The following FDFT1 variants were observed in gnomAD, a reference collection of about 807,000 sequenced individuals.
FDFT1 encodes squalene synthase.
In FDFT1, 68 loss-of-function variants were observed where a neutral mutation model predicts 46.8. The ratio of observed to expected loss-of-function variants is 1.45; its 90% confidence interval spans 1.19 to 1.78. The LOEUF is 1.78. Ranked by LOEUF, FDFT1 falls within the 40% of genes most tolerant of loss-of-function variation. FDFT1 has a pLI of 0.00. For missense variants in FDFT1, 928 were observed against 524.4 expected, an observed-to-expected ratio of 1.77 and a Z score of -7.52; for synonymous variants, 351 against 185.1, an observed-to-expected ratio of 1.90 and a Z score of -7.28.
chr8:11,826,610 T>G (rs1187146536), intron 5 of FDFT1, among the ~76,000 whole-genome samples: 3 of 152,186 alleles, frequency 2.0e-5, no homozygotes, highest in Non-Finnish European at 4.4e-5. Flanking sequence ...GGCCAGGAGT[T>G]CGAGACCAGC....
At chr8:11,826,758 T>C (rs889689169) in intron 5 of FDFT1, among the ~76,000 whole-genome samples, 11 of 152,214 alleles carry the variant, frequency 7.2e-5, no homozygotes, top group Non-Finnish European at 1.3e-4. Flanking sequence ...GAGATTGCGG[T>C]GAGCTCAGAT....
chr8:11,801,946 C>A (rs936513029), upstream of FDFT1: 1 of 455,440 alleles, frequency 2.2e-6, no homozygotes, highest in East Asian at 7.0e-5. Flanking sequence ...GCCTTGGCCT[C>A]CCAAAGTGTT....
chr8:11,815,860 T>C (rs1011090899), intron 3 of FDFT1, among the ~76,000 whole-genome samples: 1 of 152,234 alleles, frequency 6.6e-6, no homozygotes, highest in East Asian at 1.9e-4. Context: ...GTGCAGAAGC[T>C]CTTTAGTTGA....
intron 7 of FDFT1, among the ~76,000 whole-genome samples, chr8:11,836,388 C>G (rs748815934): frequency 6.6e-6 from 1 of 152,206 alleles, no homozygotes; most frequent in Non-Finnish European, 1.5e-5. Context: ...CTCCAGAGAC[C>G]TCTCGCTTCC....
intron 1 of FDFT1, among the ~76,000 whole-genome samples, chr8:11,805,451 G>A (rs1204013691): frequency 6.6e-6 from 1 of 152,192 alleles, no homozygotes; most frequent in Non-Finnish European, 1.5e-5. Context: ...AGGCAGATCT[G>A]GCTCCTGTCC....
Position 11,808,834 on chromosome 8 carries a change from T to G in FDFT1, c.140T>G (p.Leu47Arg). The G allele has an allele frequency of 1.2e-6, 2 of 1,614,030 alleles. No individual in the cohort carries two copies. The highest frequency in any genetic ancestry group is 1.7e-4 in the Middle Eastern group (1 of 6,060). The change falls in exon 2 of 8, where the codon CTC becomes CGC. Residue 47 changes from leucine to arginine, a missense_variant. By Grantham distance (102) the Leu-to-Arg change is moderately radical. Transcript: ENST00000220584. ...AGCCTGAAAACTTGCTACAAGTATCTCAATCAGACCAGTCGCAGTTTCGCA... is the reference window on the plus strand; with the variant it reads ...AGCCTGAAAACTTGCTACAAGTATCGCAATCAGACCAGTCGCAGTTTCGCA... ...SSSLKTCYKY[L>R]NQTSRSFAAV...
At chr8:11,798,308 C>T (rs752487922), upstream of FDFT1, among the ~76,000 whole-genome samples, 1 of 152,150 alleles carries the variant, frequency 6.6e-6, no homozygotes, top group Non-Finnish European at 1.5e-5. Context: ...GATCCGCCTG[C>T]ATTGGTCTTC....
chr8:11,820,579 G>A (rs1470318056), intron 3 of FDFT1, among the ~76,000 whole-genome samples: 3 of 152,198 alleles, frequency 2.0e-5, no homozygotes, highest in Non-Finnish European at 1.5e-5. Flanking sequence ...GCAATGGCGG[G>A]GAGGCGCTTC....
intron 3 of FDFT1, among the ~76,000 whole-genome samples, chr8:11,817,009 C>T (rs1057392704): frequency 6.6e-6 from 1 of 152,128 alleles, no homozygotes; most frequent in Non-Finnish European, 1.5e-5. Context: ...TTGGGTTTGT[C>T]ATAAATAGCT....
At chr8:11,812,273 G>A (rs975511156) in intron 3 of FDFT1, among the ~76,000 whole-genome samples, 10 of 152,330 alleles carry the variant, frequency 6.6e-5, no homozygotes, top group East Asian at 1.9e-4. Flanking sequence ...GTCTGCGTCC[G>A]CACAGTCTAT....
chr8:11,804,678 C>G (rs568807845), intron 1 of FDFT1, among the ~76,000 whole-genome samples: 1 of 138,562 alleles, frequency 7.2e-6, no homozygotes, highest in African/African-American at 2.7e-5. Context: ...GGGACCTCAG[C>G]TAGATGCAGC....
At chr8:11,826,255 A>G in intron 5 of FDFT1, 40 bp downstream of exon 5, 1 of 1,400,770 alleles carries the variant, frequency 7.1e-7, no homozygotes, top group South Asian at 1.6e-5. Context: ...ATAACTTTAG[A>G]CATTCTCTGA....
At chr8:11,801,288 G>GAACA (rs1489999931), upstream of FDFT1, among the ~76,000 whole-genome samples, 1 of 152,210 alleles carries the variant, frequency 6.6e-6, no homozygotes, top group Non-Finnish European at 1.5e-5. Flanking sequence ...GAGAGACACT[G>GAACA]AACAGCTTTG....
At chr8:11,802,730 G>A (rs571840731), upstream of FDFT1, 23 of 888,180 alleles carry the variant, frequency 2.6e-5, no homozygotes, top group African/African-American at 3.5e-4. Flanking sequence ...CCCCTGTCCG[G>A]CCAGCCCCTC....
chr8:11,822,691 G>C (rs1809431035), intron 4 of FDFT1, among the ~76,000 whole-genome samples: 1 of 152,156 alleles, frequency 6.6e-6, no homozygotes, highest in Non-Finnish European at 1.5e-5. Context: ...GCATGTGCCT[G>C]TGGTCCCAGC....
At chr8:11,797,558 C>T (rs546918638), upstream of FDFT1, among the ~76,000 whole-genome samples, 4 of 138,262 alleles carry the variant, frequency 2.9e-5, no homozygotes, top group African/African-American at 5.4e-5. Flanking sequence ...ACTAGGGAAG[C>T]TGAGATGGGA....
At chr8:11,807,224 A>G (rs966599769) in intron 1 of FDFT1, among the ~76,000 whole-genome samples, 6 of 152,154 alleles carry the variant, frequency 3.9e-5, no homozygotes, top group African/African-American at 1.4e-4. Context: ...TGTAACGTGT[A>G]TCTCCTGGGC....
At chr8:11,798,425 A>G (rs567854701), upstream of FDFT1, among the ~76,000 whole-genome samples, 24 of 152,322 alleles carry the variant, frequency 1.6e-4, no homozygotes, top group African/African-American at 5.8e-4. Flanking sequence ...GTCAACTTCA[A>G]CATGGTTTGG....
chr8:11,831,736 T>A (rs1216183971), intron 7 of FDFT1, 66 bp downstream of exon 7: 14 of 1,326,102 alleles, frequency 1.1e-5, no homozygotes, highest in Non-Finnish European at 1.5e-5. Flanking sequence ...TGTCACTGTT[T>A]AACCAGGTTT....
Sources: allele counts gnomAD v4.1 joint callset (sites outside exome capture counted in the v4.1 genomes callset), GRCh38; gene constraint gnomAD v4.1.1; transcripts MANE v1.5; gene names NCBI Gene and HGNC (gene_info 2026-07-23, HGNC 2026-07-21).